Variants in SCFD2 observed in about 807,000 individuals in gnomAD.
SCFD2 encodes the protein sec1 family domain-containing protein 2.
In SCFD2, 54 loss-of-function variants were observed where a neutral mutation model predicts 58.9. The observed-to-expected ratio is 0.92, with a 90% CI of 0.74 to 1.15. SCFD2 has a LOEUF of 1.15. SCFD2 is among the 50% of genes most tolerant of loss of function. SCFD2 has a pLI of 0.00. For synonymous variants in SCFD2, 321 were observed against 335.9 expected (o/e 0.96, Z 0.49); for missense variants, 805 against 836.6 (o/e 0.96, Z 0.47).
chr4:52,953,425 GA>G (rs1442501224), intron 5 of SCFD2, among the ~76,000 whole-genome samples: 1 of 152,196 alleles, frequency 6.6e-6, no homozygotes, highest in Non-Finnish European at 1.5e-5. Context: ...CAAGTTCACA[GA>G]CAGCGCTGGA....
rs980247426 is a variant in SCFD2 at position 53,152,431 on chromosome 4, T to G, written c.1312-6849A>C. Among the ~76,000 whole-genome samples the G allele has an allele frequency of 3.3e-5, 5 of 152,264 alleles. No homozygotes were observed. The South Asian group carries it at 6.2e-4, about 19-fold the overall frequency. On this transcript the variant is annotated intron_variant, in intron 4 of 8. Coordinates refer to ENST00000401642, the MANE Select transcript of SCFD2 (RefSeq NM_152540.4). The stretch of plus-strand genomic sequence containing the variant: ...GGATGTGGAGCCACTAAACGTCTCA[T>G]ACATTGCTACAAGGAGTGAATATTA...
At chr4:52,882,098 C>T (rs766425337) in intron 8 of SCFD2, among the ~76,000 whole-genome samples, 23 of 152,116 alleles carry the variant, frequency 1.5e-4, no homozygotes, top group Non-Finnish European at 3.2e-4. Flanking sequence ...CAATCAAGTG[C>T]GAGACAGGGA....
chr4:53,045,345 T>C (rs1035397107), intron 5 of SCFD2, among the ~76,000 whole-genome samples: 15 of 152,156 alleles, frequency 9.9e-5, no homozygotes, highest in African/African-American at 3.6e-4. Context: ...CCCATAAGTA[T>C]GGTATGGGCA....
At chr4:53,300,994 G>A (rs1013932869) in intron 3 of SCFD2, among the ~76,000 whole-genome samples, 11 of 152,298 alleles carry the variant, frequency 7.2e-5, no homozygotes, top group African/African-American at 2.4e-4. Context: ...ACAAGAGAAA[G>A]CAGGAAAGAT....
chr4:53,007,327 A>AGAGAGAGAGAGAGAGAGG, intron 5 of SCFD2, among the ~76,000 whole-genome samples: 1 of 132,642 alleles, frequency 7.5e-6, no homozygotes, highest in African/African-American at 2.8e-5. Flanking sequence ...AGAGAGAGAG[A>AGAGAGAGAGAGAGAGAGG]GAGAGAGGGA....
At chr4:53,177,090 T>C (rs111522779) in intron 4 of SCFD2, among the ~76,000 whole-genome samples, 10 of 152,362 alleles carry the variant, frequency 6.6e-5, no homozygotes, top group African/African-American at 2.2e-4. Context: ...CTCTTCCTTT[T>C]CTTCACCCAT....
At chr4:53,312,376 G>T (rs1732718341) in intron 3 of SCFD2, among the ~76,000 whole-genome samples, 2 of 152,018 alleles carry the variant, frequency 1.3e-5, no homozygotes, top group Non-Finnish European at 2.9e-5. Context: ...CAGATATATG[G>T]CCTTGGGCAA....
intron 4 of SCFD2, among the ~76,000 whole-genome samples, chr4:53,202,943 A>T (rs1728295929): frequency 1.3e-5 from 2 of 152,106 alleles, no homozygotes; most frequent in African/African-American, 2.4e-5. Context: ...CAATGGGGTT[A>T]TCTAGATATA....
At chr4:53,048,659 C>T (rs745695071) in intron 5 of SCFD2, among the ~76,000 whole-genome samples, 11 of 152,132 alleles carry the variant, frequency 7.2e-5, no homozygotes, top group African/African-American at 1.9e-4. Flanking sequence ...ACAGATCGCT[C>T]GAGCCTGAAA....
intron 5 of SCFD2, among the ~76,000 whole-genome samples, chr4:53,123,673 A>G (rs1447090181): frequency 4.6e-5 from 7 of 152,172 alleles, no homozygotes; most frequent in Admixed American, 6.5e-5. Flanking sequence ...CACCCCACTC[A>G]TTGACCTAGG....
In SCFD2 at chr4:53,008,383, T is replaced by C. The variant is rs575488644; in HGVS notation, c.1562-87513A>G. ...TGGCACAGAGCATCATGGAGAAGCA[T>C]GGAGAAGGCAGAATAATGAGCACAA... On this transcript the variant is annotated intron_variant, in intron 5 of 8. Transcript: ENST00000401642. Among the ~76,000 whole-genome samples, 7 of 152,162 alleles carry C rather than the reference T, an allele frequency of 4.6e-5. No homozygotes were observed. In the East Asian group the frequency reaches 7.7e-4, roughly 17 times the overall value.
At chr4:53,262,492 T>A (rs950486056) in intron 4 of SCFD2, among the ~76,000 whole-genome samples, 2 of 152,234 alleles carry the variant, frequency 1.3e-5, no homozygotes, top group African/African-American at 4.8e-5. Context: ...AAAGACTGTA[T>A]CTTTCCTTCA....
At chr4:53,292,478 A>G (rs1232247589) in intron 3 of SCFD2, among the ~76,000 whole-genome samples, 1 of 152,234 alleles carries the variant, frequency 6.6e-6, no homozygotes, top group African/African-American at 2.4e-5. Flanking sequence ...TTATTAGAGG[A>G]ATGCAAATCA....
chr4:53,351,252 T>C (rs953880161), intron 2 of SCFD2, among the ~76,000 whole-genome samples: 3 of 152,234 alleles, frequency 2.0e-5, no homozygotes, highest in African/African-American at 7.2e-5. Flanking sequence ...CATCTCTCAC[T>C]GACGTCAGGC....
At chr4:53,256,845 G>A (rs1320969605) in intron 4 of SCFD2, among the ~76,000 whole-genome samples, 1 of 146,086 alleles carries the variant, frequency 6.8e-6, no homozygotes, top group East Asian at 2.1e-4. Context: ...GGCATCAGAG[G>A]GAGACCGTGG....
intron 5 of SCFD2, among the ~76,000 whole-genome samples, chr4:53,029,530 G>A (rs1444339013): frequency 2.0e-5 from 3 of 152,180 alleles, no homozygotes; most frequent in Non-Finnish European, 4.4e-5. Flanking sequence ...ACTAAAAGAT[G>A]TGTTCATTTT....
intron 5 of SCFD2, among the ~76,000 whole-genome samples, chr4:52,955,469 A>G (rs1474360133): frequency 1.3e-5 from 2 of 152,206 alleles, no homozygotes; most frequent in African/African-American, 4.8e-5. Flanking sequence ...CTTCTATAAC[A>G]TTTAACTTCT....
intron 7 of SCFD2, among the ~76,000 whole-genome samples, chr4:52,890,196 A>G (rs920771764): frequency 1.3e-5 from 2 of 152,216 alleles, no homozygotes; most frequent in Non-Finnish European, 2.9e-5. Context: ...GTGGTGCAAT[A>G]TGTTCCCAAA....
rs1318148957 is a variant in SCFD2 at position 52,973,102 on chromosome 4, A to G, written c.1562-52232T>C. On this transcript the variant is annotated intron_variant, in intron 5 of 8. Coordinates refer to ENST00000401642, the MANE Select transcript of SCFD2 (RefSeq NM_152540.4). ...AATTGACACCCTAACATCACAATTA[A>G]AAGAACTAGAGAAGCAAGAGCAAAC... Among the ~76,000 whole-genome samples, 4 of 152,226 alleles carry G rather than the reference A, an allele frequency of 2.6e-5. 1 individual carries two copies. Among genetic ancestry groups the G allele is most frequent in the Admixed American group, 1.3e-4 (2 of 15,274 alleles).
Sources: allele counts gnomAD v4.1 joint callset (sites outside exome capture counted in the v4.1 genomes callset), GRCh38; gene constraint gnomAD v4.1.1; transcripts MANE v1.5; gene names NCBI Gene and HGNC (gene_info 2026-07-23, HGNC 2026-07-21).